Variants in MOCS1 observed in about 807,000 individuals in gnomAD.
The protein encoded by MOCS1 is molybdenum cofactor synthesis 1.
Under a neutral mutation model 57.6 loss-of-function variants are expected in MOCS1, and 39 were observed. The ratio of observed to expected loss-of-function variants is 0.68; its 90% CI spans 0.52 to 0.88. MOCS1 has a LOEUF of 0.88. Among genes scored for constraint, MOCS1 ranks in the 40% least tolerant of loss-of-function variants. MOCS1 has a pLI of 0.00. For missense variants in MOCS1, 795 were observed against 831.1 expected, an observed-to-expected ratio of 0.96 and a Z score of 0.53; for synonymous variants, 334 against 335.7, an observed-to-expected ratio of 1.00 and a Z score of 0.05.
In MOCS1 at chr6:39,909,946, A is replaced by G; in HGVS notation, c.991T>C (p.Phe331Leu). ...TADGNLKVCLFGNSEVSLRDH... is the reference protein window; with the variant it reads ...TADGNLKVCLLGNSEVSLRDH... ...CGCAGGGATACCTCAGAGTTTCCAAAGAGGCAGACCTACATGTGGGTGAGG... is the reference window on the plus strand; with the variant it reads ...CGCAGGGATACCTCAGAGTTTCCAAGGAGGCAGACCTACATGTGGGTGAGG... The change falls in exon 9 of 11, where the codon TTT becomes CTT. Residue 331 changes from phenylalanine (F) to leucine (L), a missense_variant. Physicochemically the swap from Phe to Leu is conservative, Grantham distance 22. Transcript: ENST00000340692. The G allele has an allele frequency of 6.2e-7, 1 of 1,613,462 alleles. No individual in the cohort carries two copies. Among genetic ancestry groups the G allele is most frequent in the African/African-American group, 1.3e-5 (1 of 75,050 alleles).
At chr6:39,912,408 G>T in intron 7 of MOCS1, 34 bp from the exon 8 acceptor site, 1 of 1,450,330 alleles carries the variant, frequency 6.9e-7, no homozygotes, top group Non-Finnish European at 9.7e-7. Flanking sequence ...AAAGGGCAGT[G>T]GAGGGGATGG....
intron 4 of MOCS1, among the ~76,000 whole-genome samples, chr6:39,915,445 G>A (rs1363343538): frequency 6.6e-6 from 1 of 152,138 alleles, no homozygotes; most frequent in African/African-American, 2.4e-5. Flanking sequence ...ATCCCAACCT[G>A]AAGAGCCTTT....
In MOCS1 at chr6:39,906,214, A is replaced by G. The variant is rs777146059; in HGVS notation, c.*143T>C. On this transcript the variant is annotated 3_prime_UTR_variant, in exon 11 of 11. Transcript: ENST00000340692. ...TCATCTAGCAGCAGGCCTGTTTGTT[A>G]GTAGTAGAGCAGGCTGACTTCGGGT... 1.0e-6 allele frequency: 1 copy of G among 994,354 alleles called. No homozygotes were observed. The highest frequency in any genetic ancestry group is 1.6e-6 in the Non-Finnish European group (1 of 628,258). 61.6% of individuals were successfully genotyped at this position (994,354 alleles called of 1,614,324 possible). A position where few individuals can be genotyped will look rare whatever the true frequency, so the allele number is the denominator to read the frequency against.
At chr6:39,921,397 TAAAA>T (rs34259460) in intron 3 of MOCS1, among the ~76,000 whole-genome samples, 1 of 146,028 alleles carries the variant, frequency 6.8e-6, no homozygotes. Context: ...AGACTACGTC[TAAAA>T]AAAAAAAAAA....
rs1562080803 is a variant in MOCS1, at chr6:39,905,926, T to C, written c.*431A>G. The C allele has an allele frequency of 4.3e-6, 2 of 464,208 alleles. No individual in the cohort carries two copies. Among genetic ancestry groups the C allele is most frequent in the Non-Finnish European group, 8.8e-6 (2 of 227,382 alleles). The allele number at this position is 464,208 out of a possible 1,614,324, so 28.8% of individuals were successfully genotyped here. On this transcript the variant is annotated 3_prime_UTR_variant, in exon 11 of 11. Coordinates refer to ENST00000340692, the MANE Select transcript of MOCS1 (RefSeq NM_001358530.2). ...CTTCAGGCAAGCTTGTGCTTTGCTC[T>C]CCTCAAAGTGGGCTCCTCTGCTTAA...
At chr6:39,909,707 G>T in intron 9 of MOCS1, 128 bp downstream of exon 9, 1 of 1,278,430 alleles carries the variant, frequency 7.8e-7, no homozygotes, top group Non-Finnish European at 1.1e-6. Flanking sequence ...TGGTAGTGGG[G>T]ATGATGCTGA....
At position 39,905,181 on chromosome 6, in the gene MOCS1, G is replaced by C; in HGVS notation, c.*1176C>G. On this transcript the variant is annotated 3_prime_UTR_variant, in exon 11 of 11. Coordinates refer to ENST00000340692, the MANE Select transcript of MOCS1 (RefSeq NM_001358530.2). Reference sequence around the variant, plus strand: ...TTAGAGAGCCCAGCAGGCCAGAACTGTGTGTGTTTGGGATGTGAGAACCAG... The same window carrying C: ...TTAGAGAGCCCAGCAGGCCAGAACTCTGTGTGTTTGGGATGTGAGAACCAG... 2.2e-6 allele frequency: 1 copy of C among 454,160 alleles called. No individual in the cohort carries two copies. The highest frequency in any genetic ancestry group is 4.4e-6 in the Non-Finnish European group (1 of 226,882). The allele number at this position is 454,160 out of a possible 1,614,324, so 28.1% of individuals were successfully genotyped here. A position where few individuals can be genotyped will look rare whatever the true frequency, so the allele number is the denominator to read the frequency against.
chr6:39,906,010 A>G lies in MOCS1; in HGVS notation c.*347T>C, dbSNP rs767669450. The G allele has an allele frequency of 2.0e-6, 1 of 504,400 alleles. No individual in the cohort carries two copies. The highest frequency in any genetic ancestry group is 1.5e-5 in the South Asian group (1 of 64,912). The allele number at this position is 504,400 out of a possible 1,614,324, so 31.2% of individuals were successfully genotyped here. A position where few individuals can be genotyped will look rare whatever the true frequency, so the allele number is the denominator to read the frequency against. On this transcript the variant is annotated 3_prime_UTR_variant, in exon 11 of 11. Transcript: ENST00000340692. ...AAGAGAAAACCCAAAATGAGAAGGA[A>G]AAGTTCTGGGCTGGACTGTCGGAAC...
chr6:39,925,736 G>T lies in MOCS1; in HGVS notation c.360C>A (p.Asp120Glu), dbSNP rs1409828110. ...GCTCTCCACCTGTGAGCCGGATCTT[G>T]TCGATGCCTTCCTTCACAAAGAGCC... ...LARLFVKEGI[D>E]KIRLTGGEPL... The change falls in exon 3 of 11, where the codon GAC becomes GAA. Residue 120 changes from aspartate to glutamate, a missense_variant. By Grantham distance (45) the Asp-to-Glu change is conservative. This residue lies in a region of MOCS1 where 416 missense variants were observed against 392.4 expected (regional missense o/e 1.06). Coordinates refer to ENST00000340692, the MANE Select transcript of MOCS1 (RefSeq NM_001358530.2). 6.2e-7 allele frequency: 1 copy of T among 1,612,758 alleles called. No individual in the cohort carries two copies. Among genetic ancestry groups the T allele is most frequent in the African/African-American group, 1.3e-5 (1 of 74,940 alleles).
At chr6:39,913,714 G>A in intron 5 of MOCS1, 60 bp downstream of exon 5, 2 of 1,579,564 alleles carry the variant, frequency 1.3e-6, no homozygotes, top group Admixed American at 1.7e-5. Context: ...GGGGCGGTGA[G>A]GGGAAGGCCA....
chr6:39,911,382 G>T (rs146552144), intron 8 of MOCS1, among the ~76,000 whole-genome samples: 15 of 152,106 alleles, frequency 9.9e-5, no homozygotes, highest in African/African-American at 3.6e-4. Flanking sequence ...CTCTCCTTCC[G>T]CGAACATTAC....
Position 39,905,456 on chromosome 6 carries a change from T to G in MOCS1, c.*901A>C, listed in dbSNP as rs1461772110. ...TAGGATTGATTGATTGATTGATAGG[T>G]GCAGCCTTCCCTGTGAAACTGCAGC... On this transcript the variant is annotated 3_prime_UTR_variant, in exon 11 of 11. Coordinates refer to ENST00000340692, the MANE Select transcript of MOCS1 (RefSeq NM_001358530.2). The G allele has an allele frequency of 2.1e-6, 1 of 471,062 alleles. No homozygotes were observed. The highest frequency in any genetic ancestry group is 2.3e-5 in the Admixed American group (1 of 42,588). 29.2% of individuals were successfully genotyped at this position (471,062 alleles called of 1,614,324 possible).
intron 1 of MOCS1, among the ~76,000 whole-genome samples, chr6:39,928,418 C>A (rs1441630271): frequency 2.0e-5 from 3 of 152,150 alleles, no homozygotes; most frequent in Non-Finnish European, 4.4e-5. Flanking sequence ...CCTGCCTTGG[C>A]CCCCCAAAGT....
chr6:39,913,058 G>GC, intron 6 of MOCS1, 54 bp from the exon 7 acceptor site: 2 of 1,502,204 alleles, frequency 1.3e-6, no homozygotes, highest in Admixed American at 3.3e-5. Flanking sequence ...AGTTGAAGGG[G>GC]CCCCGGGGTC....
Position 39,904,864 on chromosome 6 carries a change from T to C in MOCS1, c.*1493A>G. ...AAAAATATTAAATTCATACCATCCC[T>C]ACCCAGTCTGCCTTTAAACTTGTGC... On this transcript the variant is annotated 3_prime_UTR_variant, in exon 11 of 11. Coordinates refer to ENST00000340692, the MANE Select transcript of MOCS1 (RefSeq NM_001358530.2). 2.2e-6 allele frequency: 1 copy of C among 454,128 alleles called. No individual in the cohort carries two copies. 28.1% of individuals were successfully genotyped at this position (454,128 alleles called of 1,614,324 possible). A position where few individuals can be genotyped will look rare whatever the true frequency, so the allele number is the denominator to read the frequency against.
rs775833037 is a variant in MOCS1, at chr6:39,925,820, C to G, written c.276G>C (p.Gly92=). Residue 92 remains glycine (G), a synonymous_variant, in exon 3 of 11, where the codon GGG becomes GGC. Transcript: ENST00000340692. The part of the protein sequence containing the change: ...LRCQYCMPEE[G]VPLTPKANLL... ...GGTTGGCTTTGGGGGTCAGCGGGACCCCCTCCTCGGGCATGCAGTACTGAC... is the reference window on the plus strand; with the variant it reads ...GGTTGGCTTTGGGGGTCAGCGGGACGCCCTCCTCGGGCATGCAGTACTGAC... 6.2e-7 allele frequency: 1 copy of G among 1,612,516 alleles called. No homozygotes were observed. Among genetic ancestry groups the G allele is most frequent in the Admixed American group, 1.7e-5 (1 of 60,002 alleles).
At chr6:39,909,200 G>C in intron 9 of MOCS1, 98 bp from the exon 10 acceptor site, 1 of 64,192 alleles carries the variant, frequency 1.6e-5, no homozygotes, top group Non-Finnish European at 3.0e-5. Context: ...AGCAGGGGAA[G>C]GGGAGAGGGA....
chr6:39,913,790 C>A lies in MOCS1; in HGVS notation c.629G>T (p.Gly210Val). The change falls in exon 5 of 11, where the codon GGC becomes GTC. Residue 210 changes from glycine to valine, a missense_variant. By Grantham distance (109) the Gly-to-Val change is moderately radical (BLOSUM62 -3). This residue lies in a region of MOCS1 where 416 missense variants were observed against 392.4 expected (regional missense o/e 1.06). Transcript: ENST00000340692. Reference sequence around the variant, plus strand: ...CGGCCTCACCTTCACAGGGTTGTAGCCCAGCTCGATGGCCTTGTGGATGCC... The same window carrying A: ...CGGCCTCACCTTCACAGGGTTGTAGACCAGCTCGATGGCCTTGTGGATGCC... Reference protein sequence around the residue: ...MEGIHKAIELGYNPVKVNCVV... With the variant: ...MEGIHKAIELVYNPVKVNCVV... The A allele has an allele frequency of 6.2e-7, 1 of 1,614,210 alleles. No homozygotes were observed. Among genetic ancestry groups the A allele is most frequent in the East Asian group, 2.2e-5 (1 of 44,874 alleles).
chr6:39,915,958 G>T, intron 4 of MOCS1, 110 bp downstream of exon 4: 2 of 1,238,694 alleles, frequency 1.6e-6, no homozygotes, highest in Non-Finnish European at 2.3e-6. Context: ...CTTACTGATA[G>T]CCCAGACACC....
Sources: gnomAD v4.1 joint callset for allele counts (sites outside exome capture counted in the v4.1 genomes callset) on GRCh38, gnomAD v4.1.1 for gene constraint, gnomAD v4.1.1 regional missense constraint, MANE v1.5 for transcripts, NCBI Gene and HGNC (gene_info 2026-07-23, HGNC 2026-07-21) for gene names.